The following MACF1 variants were observed in gnomAD, a reference collection of about 807,000 sequenced individuals.
The protein encoded by MACF1 is microtubule-actin cross-linking factor 1.
Under a neutral mutation model 854.8 loss-of-function variants are expected in MACF1, and 193 were observed. That is an observed-to-expected ratio of 0.23 (90% CI 0.20 to 0.25). MACF1 has a LOEUF of 0.25. MACF1 is among the 10% of genes least tolerant of loss of function. MACF1 has a pLI of 1.00. For missense variants in MACF1, 7,722 were observed against 8,929.1 expected (o/e 0.86, Z 5.45); for synonymous variants, 3,185 against 3,226.7 (o/e 0.99, Z 0.44).
In MACF1 at chr1:39,318,964, C is replaced by CT. The variant is rs952752784; in HGVS notation, c.3945+359dup. The stretch of plus-strand genomic sequence containing the variant: ...AAATTGTAAGTAGAAGAAAATGATT[C>CT]TTTTTTTTTTGAAAATGATTTATTT... On this transcript the variant is annotated intron_variant, in intron 30 of 100. Transcript: ENST00000564288. Among the ~76,000 whole-genome samples, 844 of 140,860 alleles carry CT rather than the reference C, an allele frequency of 6.0e-3. 7 individuals are homozygous for CT. Among genetic ancestry groups the CT allele is most frequent in the African/African-American group, 0.019 (731 of 38,312 alleles). The allele number at this position is 140,860 out of a possible 152,430, so 92.4% of individuals were successfully genotyped here. A position where few individuals can be genotyped will look rare whatever the true frequency, so the allele number is the denominator to read the frequency against.
intron 97 of MACF1, among the ~76,000 whole-genome samples, chr1:39,469,905 G>A (rs983112537): frequency 6.6e-6 from 1 of 152,224 alleles, no homozygotes; most frequent in African/African-American, 2.4e-5. Context: ...CTCATATGAA[G>A]TGTAGATGCT....
chr1:39,368,642 C>G (rs1648945553), intron 50 of MACF1, among the ~76,000 whole-genome samples: 1 of 152,054 alleles, frequency 6.6e-6, no homozygotes, highest in Admixed American at 6.6e-5. Context: ...GCTGGGATTA[C>G]AGGCGCCCAC....
chr1:39,408,167 G>A (rs1642788599), intron 58 of MACF1, among the ~76,000 whole-genome samples: 1 of 152,082 alleles, frequency 6.6e-6, no homozygotes, highest in Non-Finnish European at 1.5e-5. Flanking sequence ...TTGGTCGTAG[G>A]GCTCAGCTGT....
chr1:39,382,522 A>G (rs754291106), intron 56 of MACF1, among the ~76,000 whole-genome samples: 3 of 151,382 alleles, frequency 2.0e-5, no homozygotes, highest in Non-Finnish European at 2.9e-5. Flanking sequence ...GGCTAACACA[A>G]TGAAACCCTG....
intron 38 of MACF1, among the ~76,000 whole-genome samples, chr1:39,340,112 A>G (rs1240002700): frequency 6.6e-6 from 1 of 152,190 alleles, no homozygotes; most frequent in Non-Finnish European, 1.5e-5. Context: ...TAGCACATTA[A>G]TTCTGCACAG....
chr1:39,430,086 C>T lies in MACF1; in HGVS notation c.17130+18C>T, dbSNP rs1359550951. 2.5e-6 allele frequency: 4 copies of T among 1,587,810 alleles called. No individual in the cohort carries two copies. The East Asian group carries it at 8.9e-5, about 36-fold the overall frequency. On this transcript the variant is annotated intron_variant, in intron 65 of 100. Coordinates refer to ENST00000564288, the MANE Select transcript of MACF1 (RefSeq NM_001394062.1). Reference sequence around the variant, plus strand: ...GACAGAAGGTGAGCTGTTACTTTACCATAAAAAGAAAAAAAGGCTTCCTCT... The same window carrying T: ...GACAGAAGGTGAGCTGTTACTTTACTATAAAAAGAAAAAAAGGCTTCCTCT...
rs137869884 is a variant in MACF1, at chr1:39,385,944, A to G, written c.14344+15A>G. The G allele has an allele frequency of 3.3e-5, 52 of 1,590,290 alleles. No homozygotes were observed. The highest frequency in any genetic ancestry group is 3.4e-4 in the Middle Eastern group (2 of 5,952). On this transcript the variant is annotated intron_variant, in intron 57 of 100. Transcript: ENST00000564288. ...AGACCTTGCAGGTAAGTTGGGGTGAAGAACATACTTCTGCCATTATTAGAG... is the reference window on the plus strand; with the variant it reads ...AGACCTTGCAGGTAAGTTGGGGTGAGGAACATACTTCTGCCATTATTAGAG...
At chr1:39,282,563 GA>G (rs1005177817) in intron 7 of MACF1, among the ~76,000 whole-genome samples, 189 bp downstream of exon 7, 1 of 152,204 alleles carries the variant, frequency 6.6e-6, no homozygotes, top group Admixed American at 6.5e-5. Context: ...AGAAAACAGC[GA>G]AAGTTCTTGC....
At chr1:39,381,338 T>A (rs1687189) in intron 55 of MACF1, among the ~76,000 whole-genome samples, 9,093 of 138,760 alleles carry the variant, frequency 0.066, 503 homozygotes, top group East Asian at 0.24. Context: ...ATTACAGGTG[T>A]GAGCCACCAT....
rs561368590 is a variant in MACF1, at chr1:39,414,334, C to A, written c.15817-8040C>A. On this transcript the variant is annotated intron_variant, in intron 58 of 100. Transcript: ENST00000564288. ...AGTGCCTATTTCAGAAGAAGGAACA[C>A]CTGTTCTAGAGGAGGCTTCCTCCAC... 12 of 1,614,016 alleles carry A rather than the reference C, an allele frequency of 7.4e-6. No homozygotes were observed. The South Asian group carries it at 1.1e-4, about 15-fold the overall frequency.
chr1:39,095,743 T>G (rs1571031875), intron 2 of MACF1, among the ~76,000 whole-genome samples: 1 of 150,068 alleles, frequency 6.7e-6, no homozygotes, highest in Non-Finnish European at 1.5e-5. Context: ...GGTGTGGTGG[T>G]GCATGCCTGT....
Position 39,387,387 on chromosome 1 carries a change from T to G in MACF1, c.14545T>G (p.Ser4849Ala), listed in dbSNP as rs1641847431. The stretch of plus-strand genomic sequence containing the variant: ...GAAAAGTCTTAATCAACACAGTGGC[T>G]CCTATGAGGTGATTGTGGCTGAAGG... ...FQKSLNQHSGSYEVIVAEGES... is the reference protein window; with the variant it reads ...FQKSLNQHSGAYEVIVAEGES... Residue 4849 changes from serine (S) to alanine (A), a missense_variant, in exon 58 of 101, where the codon TCC becomes GCC. Physicochemically the swap from Ser to Ala is moderately conservative, Grantham distance 99. Transcript: ENST00000564288. The G allele has an allele frequency of 6.2e-7, 1 of 1,614,152 alleles. No homozygotes were observed. Among genetic ancestry groups the G allele is most frequent in the Non-Finnish European group, 8.5e-7 (1 of 1,180,030 alleles).
intron 47 of MACF1, 85 bp downstream of exon 47, chr1:39,359,349 A>G (rs966669099): frequency 5.4e-6 from 8 of 1,472,198 alleles, no homozygotes; most frequent in African/African-American, 1.4e-5. Context: ...GTGTTGTGCA[A>G]ATATCTGTGG....
chr1:39,374,944 A>T (rs999319982), intron 52 of MACF1, among the ~76,000 whole-genome samples: 2 of 151,954 alleles, frequency 1.3e-5, no homozygotes, highest in Non-Finnish European at 2.9e-5. Context: ...CCTCGTCTCT[A>T]CTAAAAATAC....
chr1:39,393,109 A>G (rs1243768193), intron 58 of MACF1, among the ~76,000 whole-genome samples: 3 of 151,304 alleles, frequency 2.0e-5, no homozygotes, highest in African/African-American at 7.3e-5. Flanking sequence ...GAGGCTAACA[A>G]GAAAGGAAGG....
intron 58 of MACF1, chr1:39,414,387 T>C: frequency 6.2e-7 from 1 of 1,613,982 alleles, no homozygotes; most frequent in Non-Finnish European, 8.5e-7. Flanking sequence ...AGGACCTTGA[T>C]TCCCTAGTAT....
chr1:39,381,028 GTA>G, intron 55 of MACF1, among the ~76,000 whole-genome samples: 1 of 152,206 alleles, frequency 6.6e-6, no homozygotes, highest in South Asian at 2.1e-4. Flanking sequence ...ATATTGAACT[GTA>G]AACAATGTAG....
chr1:39,111,422 A>T (rs186145518), intron 2 of MACF1, among the ~76,000 whole-genome samples: 45 of 151,908 alleles, frequency 3.0e-4, no homozygotes, highest in Admixed American at 2.5e-3. Flanking sequence ...TCACTCTGTC[A>T]CCCAGGCTGG....
At chr1:39,224,945 G>A (rs1240600718) in intron 1 of MACF1, among the ~76,000 whole-genome samples, 1 of 152,162 alleles carries the variant, frequency 6.6e-6, no homozygotes, top group Non-Finnish European at 1.5e-5. Flanking sequence ...AGCGTTTTGG[G>A]AGGCTGAGGT....
Sources: allele counts gnomAD v4.1 joint callset (sites outside exome capture counted in the v4.1 genomes callset), GRCh38; gene constraint gnomAD v4.1.1; transcripts MANE v1.5; gene names NCBI Gene and HGNC (gene_info 2026-07-23, HGNC 2026-07-21).